PCDH15: variants seen among roughly 807,000 people sequenced by gnomAD.
PCDH15 encodes protocadherin related 15.
Under a neutral mutation model 178.5 loss-of-function variants are expected in PCDH15, and 129 were observed. The ratio of observed to expected loss-of-function variants is 0.72; its 90% CI spans 0.63 to 0.84. PCDH15 has a LOEUF of 0.84. Among genes scored for constraint, PCDH15 ranks in the 40% least tolerant of loss-of-function variants. The pLI, the probability that PCDH15 is intolerant of heterozygous loss-of-function variation, is 0.00. For missense variants in PCDH15, 2,230 were observed against 2,099.9 expected, an observed-to-expected ratio of 1.06 and a Z score of -1.21; for synonymous variants, 800 against 732.0, an observed-to-expected ratio of 1.09 and a Z score of -1.50.
At chr10:54,424,237 C>A (rs1955938482) in intron 3 of PCDH15, among the ~76,000 whole-genome samples, 1 of 151,896 alleles carries the variant, frequency 6.6e-6, no homozygotes, top group African/African-American at 2.4e-5. Flanking sequence ...GACATTTATG[C>A]AGTCAACAGA....
intron 28 of PCDH15, among the ~76,000 whole-genome samples, chr10:53,851,295 A>G (rs1307387892): frequency 1.3e-5 from 2 of 152,038 alleles, no homozygotes; most frequent in Non-Finnish European, 2.9e-5. Context: ...ACATAACTTA[A>G]TATTACATAT....
chr10:53,911,241 G>T (rs1457889212), intron 25 of PCDH15, among the ~76,000 whole-genome samples: 3 of 152,150 alleles, frequency 2.0e-5, no homozygotes, highest in Non-Finnish European at 4.4e-5. Context: ...TAAAAGAACA[G>T]AAATCACAAG....
chr10:54,623,195 C>T (rs2093442602), intron 2 of PCDH15, among the ~76,000 whole-genome samples: 1 of 152,036 alleles, frequency 6.6e-6, no homozygotes, highest in Non-Finnish European at 1.5e-5. Flanking sequence ...CCTTACTCAT[C>T]AAAGCAAACG....
In PCDH15 at chr10:55,132,821, CTG is replaced by C. The variant is rs1473815444; in HGVS notation, c.-80+33753_-80+33754del. Among the ~76,000 whole-genome samples the C allele has an allele frequency of 3.3e-5, 5 of 152,090 alleles. No homozygotes were observed. The East Asian group carries it at 7.7e-4, about 23-fold the overall frequency. On this transcript the variant is annotated intron_variant, in intron 2 of 5. Transcript: ENST00000458638. ...TTTACTCTACATATTTTGGTTAAGA[CTG>C]TGAGCATTTACCTAACAGAATAAGG...
At chr10:54,432,319 C>A (rs1381383735) in intron 3 of PCDH15, among the ~76,000 whole-genome samples, 1 of 151,888 alleles carries the variant, frequency 6.6e-6, no homozygotes, top group East Asian at 1.9e-4. Context: ...CATTACCTGG[C>A]TTCAAATTAC....
At chr10:54,431,128 G>A (rs906848222) in intron 3 of PCDH15, among the ~76,000 whole-genome samples, 6 of 151,856 alleles carry the variant, frequency 4.0e-5, no homozygotes, top group Non-Finnish European at 5.9e-5. Context: ...AAACTATCCC[G>A]GTAAAGAAAA....
chr10:54,421,663 T>C (rs1017629444), intron 3 of PCDH15, among the ~76,000 whole-genome samples: 2 of 65,700 alleles, frequency 3.0e-5, no homozygotes, highest in African/African-American at 8.1e-5. Context: ...ATGTGTAGTG[T>C]ATATATACAT....
intron 2 of PCDH15, among the ~76,000 whole-genome samples, chr10:54,602,118 A>G (rs573746570): frequency 2.6e-5 from 4 of 152,030 alleles, no homozygotes; most frequent in Non-Finnish European, 2.9e-5. Context: ...CTGCACATAT[A>G]CCCCTAAACC....
chr10:54,399,147 A>C (rs1250634479), intron 3 of PCDH15, among the ~76,000 whole-genome samples: 1 of 152,114 alleles, frequency 6.6e-6, no homozygotes, highest in Non-Finnish European at 1.5e-5. Flanking sequence ...AATCACATAC[A>C]TGTAACAGAA....
At chr10:54,416,857 G>C (rs1210996186) in intron 3 of PCDH15, among the ~76,000 whole-genome samples, 1 of 152,080 alleles carries the variant, frequency 6.6e-6, no homozygotes, top group Non-Finnish European at 1.5e-5. Flanking sequence ...GTCTTGATTT[G>C]CACTTCTCTA....
chr10:54,723,074 T>G (rs56041057), intron 1 of PCDH15, among the ~76,000 whole-genome samples: 18,483 of 151,364 alleles, frequency 0.12, 1,258 homozygotes, highest in African/African-American at 0.17. Context: ...GCAAAATAGA[T>G]CCCAAATAGC....
intron 2 of PCDH15, among the ~76,000 whole-genome samples, chr10:55,377,396 G>T (rs1383836542): frequency 6.6e-6 from 1 of 151,794 alleles, no homozygotes; most frequent in Admixed American, 6.6e-5. Context: ...TCATTAATTT[G>T]TGATTTGGAA....
intron 2 of PCDH15, among the ~76,000 whole-genome samples, chr10:54,554,455 A>C (rs566353164): frequency 6.6e-6 from 1 of 152,262 alleles, no homozygotes; most frequent in South Asian, 2.1e-4. Context: ...ATGTAAAAAA[A>C]TTGGATTAAA....
intron 1 of PCDH15, among the ~76,000 whole-genome samples, chr10:55,220,947 C>T (rs1231901397): frequency 6.6e-6 from 1 of 151,778 alleles, no homozygotes; most frequent in Non-Finnish European, 1.5e-5. Flanking sequence ...AAATAAATTC[C>T]ATCTGGTACG....
chr10:55,116,233 G>A (rs1837625201), intron 2 of PCDH15, among the ~76,000 whole-genome samples: 1 of 152,020 alleles, frequency 6.6e-6, no homozygotes, highest in Middle Eastern at 3.2e-3. Flanking sequence ...ATTACTGTTT[G>A]ATTTAACAAA....
intron 1 of PCDH15, among the ~76,000 whole-genome samples, chr10:54,778,647 G>C (rs1949959668): frequency 6.6e-6 from 1 of 152,026 alleles, no homozygotes. Flanking sequence ...CTTAAAATTG[G>C]GATGTATTCA....
At chr10:54,063,956 G>T (rs2094085470) in intron 18 of PCDH15, among the ~76,000 whole-genome samples, 2 of 152,300 alleles carry the variant, frequency 1.3e-5, no homozygotes, top group South Asian at 4.1e-4. Flanking sequence ...TGGTGAGGGG[G>T]GTGGCAGCTA....
chr10:54,443,765 T>C (rs2075979364), intron 3 of PCDH15, among the ~76,000 whole-genome samples: 1 of 151,764 alleles, frequency 6.6e-6, no homozygotes, highest in African/African-American at 2.4e-5. Flanking sequence ...CTGTCTTCTT[T>C]ATTTTCATTC....
intron 11 of PCDH15, among the ~76,000 whole-genome samples, chr10:54,191,808 C>A (rs1365948708): frequency 1.3e-5 from 2 of 150,318 alleles, no homozygotes; most frequent in Non-Finnish European, 3.0e-5. Flanking sequence ...GTAATCCCAG[C>A]TACTTAGGAG....
Sources: allele counts gnomAD v4.1 joint callset (sites outside exome capture counted in the v4.1 genomes callset), GRCh38; gene constraint gnomAD v4.1.1; transcripts MANE v1.5; gene names NCBI Gene and HGNC (gene_info 2026-07-23, HGNC 2026-07-21).